Variants in ATP10B observed in about 807,000 individuals in gnomAD.
ATP10B encodes ATPase phospholipid transporting 10B (putative).
Under a neutral mutation model 141.2 loss-of-function variants are expected in ATP10B, and 122 were observed. The ratio of observed to expected loss-of-function variants is 0.86; its 90% CI spans 0.75 to 1.00. ATP10B has a LOEUF of 1.00. Among genes scored for constraint, ATP10B ranks in the 50% least tolerant of loss-of-function variants. The pLI is 0.00. For missense variants in ATP10B, 1,876 were observed against 1,825.3 expected (o/e 1.03, Z -0.51); for synonymous variants, 685 against 692.0 (o/e 0.99, Z 0.16).
At chr5:160,879,711 G>A in the ATP10B span, among the ~76,000 whole-genome samples, 17 of 151,880 alleles carry the variant, frequency 1.1e-4, no homozygotes, top group Admixed American at 6.6e-5. Context: ...GGTAGCGGGC[G>A]CCTGTAGTCC....
intron 2 of ATP10B, among the ~76,000 whole-genome samples, chr5:160,775,594 T>C (rs1287843239): frequency 6.6e-6 from 1 of 152,164 alleles, no homozygotes; most frequent in African/African-American, 2.4e-5. Flanking sequence ...TATTCTTGTA[T>C]GTTGCCTGGG....
At chr5:160,698,666 T>C (rs963394433) in intron 3 of ATP10B, among the ~76,000 whole-genome samples, 4 of 151,758 alleles carry the variant, frequency 2.6e-5, no homozygotes, top group African/African-American at 9.7e-5. Flanking sequence ...GTCCCTGACA[T>C]AATAAAATGG....
At chr5:160,624,850 T>C (rs1339652431) in intron 13 of ATP10B, among the ~76,000 whole-genome samples, 1 of 152,240 alleles carries the variant, frequency 6.6e-6, no homozygotes, top group African/African-American at 2.4e-5. Flanking sequence ...TCTAAGGTTT[T>C]TCATTTCTGT....
chr5:160,787,781 C>T (rs2127899817), intron 1 of ATP10B, among the ~76,000 whole-genome samples: 1 of 152,140 alleles, frequency 6.6e-6, no homozygotes, highest in South Asian at 2.1e-4. Flanking sequence ...GTCTCTTGAC[C>T]TTGGTTTCCC....
intron 24 of ATP10B, among the ~76,000 whole-genome samples, chr5:160,581,242 A>C (rs1755531866): frequency 6.6e-6 from 1 of 152,046 alleles, no homozygotes; most frequent in Non-Finnish European, 1.5e-5. Context: ...TTGTGATGTT[A>C]GGGTGTTGAT....
rs1017528451 is a variant in ATP10B at position 160,637,581 on chromosome 5, G to A, written c.1001-1272C>T. Among the ~76,000 whole-genome samples the A allele has an allele frequency of 2.6e-5, 4 of 152,308 alleles. No individual in the cohort carries two copies. In the South Asian group the frequency reaches 8.3e-4, roughly 32 times the overall value. On this transcript the variant is annotated intron_variant, in intron 10 of 25. Transcript: ENST00000327245. ...ACTCTGTTTCCTTATCTGCAAAGGA[G>A]ATAACAACACGCATTATCTGAGGAT...
chr5:160,829,133 A>C (rs553361921), intron 1 of ATP10B, among the ~76,000 whole-genome samples: 4 of 151,968 alleles, frequency 2.6e-5, no homozygotes, highest in South Asian at 2.1e-4. Flanking sequence ...GGTACAGCAC[A>C]CCAGCATGGC....
At chr5:160,686,457 T>C (rs1447995986) in intron 5 of ATP10B, among the ~76,000 whole-genome samples, 184 bp from the exon 6 acceptor site, 1 of 152,222 alleles carries the variant, frequency 6.6e-6, no homozygotes, top group Non-Finnish European at 1.5e-5. Flanking sequence ...CATAGATTAT[T>C]GGGGAACAGG....
At position 160,780,933 on chromosome 5, in the gene ATP10B, G is replaced by A. The variant is rs539527305; in HGVS notation, c.-331+4626C>T. Among the ~76,000 whole-genome samples, 9 of 152,262 alleles carry A rather than the reference G, an allele frequency of 5.9e-5. No homozygotes were observed. In the South Asian group the frequency reaches 1.9e-3, roughly 32 times the overall value. On this transcript the variant is annotated intron_variant, in intron 2 of 25. Coordinates refer to ENST00000327245, the MANE Select transcript of ATP10B (RefSeq NM_025153.3). Reference sequence around the variant, plus strand: ...TTTTGAACAAATGAAGGAATGGAGGGGAAGTTGCCATGAAAATGATGAAAT... The same window carrying A: ...TTTTGAACAAATGAAGGAATGGAGGAGAAGTTGCCATGAAAATGATGAAAT...
chr5:160,823,407 C>A (rs191087011), intron 1 of ATP10B, among the ~76,000 whole-genome samples: 1 of 151,828 alleles, frequency 6.6e-6, no homozygotes, highest in African/African-American at 2.4e-5. Context: ...GGGGTGAGGG[C>A]AAACATTAGA....
the ATP10B span, among the ~76,000 whole-genome samples, chr5:160,857,241 A>ATAGAG: frequency 1.3e-5 from 2 of 151,706 alleles, no homozygotes; most frequent in Non-Finnish European, 3.0e-5. Context: ...CTTAACAGAT[A>ATAGAG]TAGAGCTATT....
At chr5:160,569,754 T>G (rs1413948652) in intron 24 of ATP10B, 71 bp from the exon 25 acceptor site, 3 of 1,234,746 alleles carry the variant, frequency 2.4e-6, no homozygotes, top group Non-Finnish European at 3.3e-6. Context: ...TCAAACTACT[T>G]GATTAACTTT....
chr5:160,567,640 G>T (rs1464451582), intron 25 of ATP10B, among the ~76,000 whole-genome samples: 1 of 152,086 alleles, frequency 6.6e-6, no homozygotes, highest in East Asian at 1.9e-4. Context: ...CATGCCAAAG[G>T]GATGAGAATC....
intron 7 of ATP10B, among the ~76,000 whole-genome samples, chr5:160,651,658 T>C (rs61634307): frequency 0.014 from 2,175 of 152,204 alleles, 44 homozygotes; most frequent in African/African-American, 0.034. Flanking sequence ...GGTACAGCTG[T>C]TCAAAGGGGT....
intron 1 of ATP10B, among the ~76,000 whole-genome samples, chr5:160,813,985 G>A (rs902958366): frequency 1.2e-4 from 19 of 152,098 alleles, no homozygotes; most frequent in East Asian, 1.9e-4. Context: ...CCATCTGTAC[G>A]TCACCATCAT....
chr5:160,771,021 C>T (rs761693985), intron 2 of ATP10B, among the ~76,000 whole-genome samples: 7 of 152,138 alleles, frequency 4.6e-5, no homozygotes, highest in African/African-American at 1.7e-4. Context: ...GTGGTGAATA[C>T]GTTTGCTGAA....
chr5:160,810,765 T>C (rs1431164685), intron 1 of ATP10B, among the ~76,000 whole-genome samples: 1 of 152,200 alleles, frequency 6.6e-6, no homozygotes, highest in African/African-American at 2.4e-5. Flanking sequence ...TCCTTATGGA[T>C]TGTAATTTTT....
chr5:160,629,400 A>G (rs1178233685), intron 13 of ATP10B, among the ~76,000 whole-genome samples: 4 of 152,210 alleles, frequency 2.6e-5, no homozygotes, highest in Admixed American at 2.6e-4. Flanking sequence ...AATTTGAGCC[A>G]AGTGAAGACT....
chr5:160,653,620 TA>T (rs1448520990), intron 7 of ATP10B, among the ~76,000 whole-genome samples: 2 of 10,190 alleles, frequency 2.0e-4, no homozygotes, highest in Non-Finnish European at 5.7e-4. Context: ...TATACATATA[TA>T]TTATATATAC....
Sources: allele counts gnomAD v4.1 joint callset (sites outside exome capture counted in the v4.1 genomes callset), GRCh38; gene constraint gnomAD v4.1.1; transcripts MANE v1.5; gene names NCBI Gene and HGNC (gene_info 2026-07-23, HGNC 2026-07-21).